The following SLF2 variants were observed in gnomAD, a reference collection of about 807,000 sequenced individuals.
SLF2 encodes SMC5/6 complex localization factor 2, also known as SMC5-SMC6 complex localization factor protein 2.
Under a neutral mutation model 124.3 loss-of-function variants are expected in SLF2, and 68 were observed. The observed-to-expected ratio is 0.55, with a 90% CI of 0.45 to 0.67. The LOEUF is 0.67. Ranked by LOEUF, SLF2 falls within the 30% of genes least tolerant of loss-of-function variation. The pLI, the probability that SLF2 is intolerant of heterozygous loss-of-function variation, is 0.00. For missense variants in SLF2, 1,246 were observed against 1,373.7 expected (o/e 0.91, Z 1.47); for synonymous variants, 480 against 478.8 (o/e 1.00, Z -0.03).
In SLF2 at chr10:100,962,072, C is replaced by A; in HGVS notation, c.*160C>A. The A allele has an allele frequency of 3.3e-6, 2 of 597,724 alleles. No individual in the cohort carries two copies. Among genetic ancestry groups the A allele is most frequent in the East Asian group, 2.9e-5 (1 of 34,464 alleles). 37.0% of individuals were successfully genotyped at this position (597,724 alleles called of 1,614,324 possible). A position where few individuals can be genotyped will look rare whatever the true frequency, so the allele number is the denominator to read the frequency against. ...TATGAAGCTGGTAATGAAGAAATTGCCATTTCTGAAGCAGATATGAAATAT... is the reference window on the plus strand; with the variant it reads ...TATGAAGCTGGTAATGAAGAAATTGACATTTCTGAAGCAGATATGAAATAT... On this transcript the variant is annotated 3_prime_UTR_variant, in exon 20 of 20. Transcript: ENST00000238961.
At chr10:100,949,788 GT>G (rs1189955882) in intron 15 of SLF2, among the ~76,000 whole-genome samples, 1 of 152,020 alleles carries the variant, frequency 6.6e-6, no homozygotes, top group Non-Finnish European at 1.5e-5. Flanking sequence ...TAGAGGCGGG[GT>G]TTCTCCACGT....
At position 100,913,260 on chromosome 10, in the gene SLF2, A is replaced by G. The variant is rs778868349; in HGVS notation, c.140+10A>G. On this transcript the variant is annotated intron_variant, in intron 1 of 19. Transcript: ENST00000238961. ...AGAGTCCTGGGGACAGGTACCGTGC[A>G]GAGGGCTTGAGAAGGGGCCGGGTCG... The G allele has an allele frequency of 5.7e-6, 9 of 1,575,614 alleles. No individual in the cohort carries two copies. In the South Asian group the frequency reaches 6.8e-5, roughly 12 times the overall value.
At chr10:100,941,191 G>A (rs1223781941) in intron 11 of SLF2, among the ~76,000 whole-genome samples, 1 of 152,012 alleles carries the variant, frequency 6.6e-6, no homozygotes, top group Non-Finnish European at 1.5e-5. Flanking sequence ...TTTTGCTGGT[G>A]TGTATATGCA....
At chr10:100,943,443 AT>A (rs1850017745) in intron 11 of SLF2, among the ~76,000 whole-genome samples, 1 of 152,330 alleles carries the variant, frequency 6.6e-6, no homozygotes, top group South Asian at 2.1e-4. Context: ...ATATATTTTG[AT>A]TTTTTAAAAC....
At chr10:100,928,991 C>G (rs1564774447) in intron 6 of SLF2, among the ~76,000 whole-genome samples, 1 of 152,146 alleles carries the variant, frequency 6.6e-6, no homozygotes, top group Non-Finnish European at 1.5e-5. Context: ...GCCATTTTTC[C>G]TTTCCCATTC....
intron 15 of SLF2, among the ~76,000 whole-genome samples, chr10:100,948,743 G>A (rs936727685): frequency 2.8e-4 from 42 of 151,982 alleles, no homozygotes; most frequent in Non-Finnish European, 5.1e-4. Flanking sequence ...AAAATTACCC[G>A]GGCATGGTGG....
intron 9 of SLF2, among the ~76,000 whole-genome samples, chr10:100,937,068 T>G (rs1849878138): frequency 6.6e-6 from 1 of 152,194 alleles, no homozygotes; most frequent in Non-Finnish European, 1.5e-5. Context: ...TTATTTTATC[T>G]TATTGTATTT....
At chr10:100,940,813 G>T (rs151074602) in intron 11 of SLF2, among the ~76,000 whole-genome samples, 3 of 51,128 alleles carry the variant, frequency 5.9e-5, no homozygotes, top group East Asian at 3.8e-4. Flanking sequence ...CCCTGCCCCT[G>T]CCCCTTCTCC....
intron 11 of SLF2, among the ~76,000 whole-genome samples, chr10:100,940,820 C>CTCCGTCCT: frequency 9.9e-6 from 1 of 101,172 alleles, no homozygotes; most frequent in South Asian, 4.4e-4. Flanking sequence ...CCTGCCCCTT[C>CTCCGTCCT]TCCTTCCTTC....
At chr10:100,958,824 T>C (rs961120565) in intron 18 of SLF2, among the ~76,000 whole-genome samples, 2 of 152,196 alleles carry the variant, frequency 1.3e-5, no homozygotes, top group Non-Finnish European at 2.9e-5. Context: ...TCTAGAGTGA[T>C]AGAGTTTGGG....
rs59983480 is a variant in SLF2 at position 100,960,998 on chromosome 10, C to CTTTTTTTTTT, written c.3487-859_3487-850dup. Among the ~76,000 whole-genome samples, 94 of 61,400 alleles carry CTTTTTTTTTT rather than the reference C, an allele frequency of 1.5e-3. 18 individuals are homozygous for CTTTTTTTTTT. Among genetic ancestry groups the CTTTTTTTTTT allele is most frequent in the Non-Finnish European group, 1.8e-3 (63 of 35,356 alleles). The allele number at this position is 61,400 out of a possible 152,430, so 40.3% of individuals were successfully genotyped here. A position where few individuals can be genotyped will look rare whatever the true frequency, so the allele number is the denominator to read the frequency against. Reference sequence around the variant, plus strand: ...GTGAGAACTGAGATATTCTGTACTTCTTTTTTTTTTTTTTTTTTTTTTTTT... The same window carrying CTTTTTTTTTT: ...GTGAGAACTGAGATATTCTGTACTTCTTTTTTTTTTTTTTTTTTTTTTTTTTTTTTTTTTT... On this transcript the variant is annotated intron_variant, in intron 19 of 19. Transcript: ENST00000238961.
chr10:100,954,093 C>CA (rs11317743), intron 17 of SLF2, among the ~76,000 whole-genome samples: 15 of 145,112 alleles, frequency 1.0e-4, no homozygotes, highest in East Asian at 4.2e-4. Context: ...GCCATCTTTA[C>CA]AAAAAAAAAA....
Position 100,946,505 on chromosome 10 carries a change from TTAG to T in SLF2, c.2935-530_2935-528del, listed in dbSNP as rs569594437. ...CTCCGCCCAGCTAATTTCTGTGTAT[TTAG>T]TAGAGACAGGGTTTTACCATTTTGG... On this transcript the variant is annotated intron_variant, in intron 13 of 19. Transcript: ENST00000238961. Among the ~76,000 whole-genome samples the T allele has an allele frequency of 1.6e-3, 244 of 152,130 alleles. 1 individual carries two copies. The highest frequency in any genetic ancestry group is 2.3e-3 in the Non-Finnish European group (154 of 67,984).
Position 100,947,861 on chromosome 10 carries a change from C to A in SLF2, c.3120+14C>A. The stretch of plus-strand genomic sequence containing the variant: ...AGTAATCTGCAGGTATAAATAAATA[C>A]ATTTTTATTTTTAATAAATGGGAGA... On this transcript the variant is annotated intron_variant, in intron 15 of 19. Coordinates refer to ENST00000238961, the MANE Select transcript of SLF2 (RefSeq NM_018121.4). 3 of 1,574,560 alleles carry A rather than the reference C, an allele frequency of 1.9e-6. No individual in the cohort carries two copies. The highest frequency in any genetic ancestry group is 2.6e-6 in the Non-Finnish European group (3 of 1,147,582).
At position 100,924,131 on chromosome 10, in the gene SLF2, A is replaced by G. The variant is rs1849566576; in HGVS notation, c.1130A>G (p.His377Arg). The change falls in exon 5 of 20, where the codon CAT becomes CGT. Residue 377 changes from histidine to arginine, a missense_variant. By Grantham distance (29) the His-to-Arg change is conservative. This residue lies in a region of SLF2 where 698 missense variants were observed against 708.9 expected (regional missense o/e 0.98). Transcript: ENST00000238961. The stretch of plus-strand genomic sequence containing the variant: ...CATCAGAAAGAAAAATTTATAAAAC[A>G]TATTGCACTGAAGACACCTGGTGAT... ...GPHQKEKFIK[H>R]IALKTPGDVL... 6.2e-7 allele frequency: 1 copy of G among 1,613,402 alleles called. No individual in the cohort carries two copies. Among genetic ancestry groups the G allele is most frequent in the Non-Finnish European group, 8.5e-7 (1 of 1,179,840 alleles).
chr10:100,937,575 T>C (rs1451689354), intron 10 of SLF2, 98 bp downstream of exon 10: 5 of 816,300 alleles, frequency 6.1e-6, no homozygotes, highest in African/African-American at 1.8e-5. Flanking sequence ...TTTGGAAATA[T>C]ACAATACAAA....
At chr10:100,932,712 TGTGTGTGTGC>T (rs200825128) in intron 9 of SLF2, among the ~76,000 whole-genome samples, 2,466 of 129,110 alleles carry the variant, frequency 0.019, 42 homozygotes, top group East Asian at 0.11. Context: ...TGTGTGTGTG[TGTGTGTGTGC>T]GCGCGCGCGC....
At chr10:100,944,747 G>A (rs1187957450) in intron 12 of SLF2, among the ~76,000 whole-genome samples, 5 of 152,238 alleles carry the variant, frequency 3.3e-5, no homozygotes, top group South Asian at 2.1e-4. Flanking sequence ...GGCAGAGGCC[G>A]GGCGCGGTGG....
At chr10:100,959,293 C>G in intron 18 of SLF2, 135 bp from the exon 19 acceptor site, 2 of 687,818 alleles carry the variant, frequency 2.9e-6, no homozygotes, top group Non-Finnish European at 4.5e-6. Context: ...TTTATTTTCT[C>G]TTTGTTGACA....
Sources: gnomAD v4.1 joint callset for allele counts (sites outside exome capture counted in the v4.1 genomes callset) on GRCh38, gnomAD v4.1.1 for gene constraint, gnomAD v4.1.1 regional missense constraint, MANE v1.5 for transcripts, NCBI Gene and HGNC (gene_info 2026-07-23, HGNC 2026-07-21) for gene names.